The following SDCCAG8 variants were observed in gnomAD, a reference collection of about 807,000 sequenced individuals.
SDCCAG8 encodes the protein serologically defined colon cancer antigen 8.
Under a neutral mutation model 101.8 loss-of-function variants are expected in SDCCAG8, and 74 were observed. The ratio of observed to expected loss-of-function variants is 0.73; its 90% CI spans 0.60 to 0.88. SDCCAG8 has a LOEUF of 0.88. SDCCAG8 is among the 40% of genes least tolerant of loss of function. The pLI is 0.00. For synonymous variants in SDCCAG8, 281 were observed against 292.9 expected (o/e 0.96, Z 0.41); for missense variants, 787 against 822.6 (o/e 0.96, Z 0.53).
chr1:243,488,915 G>C (rs1665689970), intron 16 of SDCCAG8, 99 bp from the exon 17 acceptor site: 7 of 1,577,736 alleles, frequency 4.4e-6, no homozygotes, highest in African/African-American at 1.3e-5. Context: ...TCCTGCTCAT[G>C]GTTCCCTATC....
intron 9 of SDCCAG8, among the ~76,000 whole-genome samples, chr1:243,327,966 G>T (rs181357219): frequency 6.6e-6 from 1 of 151,832 alleles, no homozygotes; most frequent in Admixed American, 6.6e-5. Flanking sequence ...GCAGTGGTGC[G>T]ATCTCAGCTC....
chr1:243,477,098 AATAAAGGG>A (rs1662596728), intron 16 of SDCCAG8, among the ~76,000 whole-genome samples: 1 of 152,128 alleles, frequency 6.6e-6, no homozygotes, highest in Non-Finnish European at 1.5e-5. Flanking sequence ...GGTGAATTTG[AATAAAGGG>A]TATGTTGGTA....
chr1:243,328,299 G>A (rs1243854456), intron 9 of SDCCAG8, among the ~76,000 whole-genome samples: 2 of 151,684 alleles, frequency 1.3e-5, no homozygotes, highest in African/African-American at 4.8e-5. Context: ...GTTTTTTGGG[G>A]ACGGAGTCAC....
At chr1:243,489,447 G>A (rs1665842950) in intron 17 of SDCCAG8, among the ~76,000 whole-genome samples, 1 of 152,252 alleles carries the variant, frequency 6.6e-6, no homozygotes, top group Non-Finnish European at 1.5e-5. Context: ...AGAAGCGGGA[G>A]GACGGCCGTG....
At chr1:243,445,613 C>G (rs1454794661) in intron 16 of SDCCAG8, among the ~76,000 whole-genome samples, 1 of 152,172 alleles carries the variant, frequency 6.6e-6, no homozygotes, top group Non-Finnish European at 1.5e-5. Context: ...GTAAGGATCA[C>G]CTGATTTGGC....
chr1:243,284,117 C>T (rs2069350452), intron 4 of SDCCAG8, among the ~76,000 whole-genome samples: 1 of 152,126 alleles, frequency 6.6e-6, no homozygotes, highest in Non-Finnish European at 1.5e-5. Context: ...GTTTCTGATG[C>T]TTGTTAAATC....
At chr1:243,429,154 G>C (rs1022989107) in intron 16 of SDCCAG8, among the ~76,000 whole-genome samples, 3 of 152,182 alleles carry the variant, frequency 2.0e-5, no homozygotes, top group Non-Finnish European at 4.4e-5. Context: ...TGCAGCTGCA[G>C]CCGCCTGTCA....
chr1:243,488,969 G>A (rs771259898), intron 16 of SDCCAG8, 45 bp from the exon 17 acceptor site: 24 of 1,612,716 alleles, frequency 1.5e-5, no homozygotes, highest in Non-Finnish European at 2.0e-5. Flanking sequence ...CCTGTTGAAA[G>A]GCTGACGTTA....
intron 13 of SDCCAG8, among the ~76,000 whole-genome samples, chr1:243,392,878 T>G (rs1482179067): frequency 3.3e-5 from 5 of 152,242 alleles, no homozygotes; most frequent in Non-Finnish European, 7.3e-5. Flanking sequence ...GCAAATAAAC[T>G]GTTAACGGAG....
In SDCCAG8 at chr1:243,497,549, G is replaced by A. The variant is rs1668322761; in HGVS notation, c.2113-2207G>A. On this transcript the variant is annotated intron_variant, in intron 17 of 17. Coordinates refer to ENST00000366541, the MANE Select transcript of SDCCAG8 (RefSeq NM_006642.5). ...CCCATGCAGGCCCACGGAATCAGGAGGTCACCCGTTTCTGGAACAGCTCCG... is the reference window on the plus strand; with the variant it reads ...CCCATGCAGGCCCACGGAATCAGGAAGTCACCCGTTTCTGGAACAGCTCCG... Among the ~76,000 whole-genome samples the A allele has an allele frequency of 7.2e-5, 11 of 152,072 alleles. 1 individual carries two copies. The highest frequency in any genetic ancestry group is 7.2e-4 in the Admixed American group (11 of 15,266).
intron 17 of SDCCAG8, among the ~76,000 whole-genome samples, chr1:243,495,664 C>T (rs1667656179): frequency 6.6e-6 from 1 of 152,180 alleles, no homozygotes; most frequent in Non-Finnish European, 1.5e-5. Context: ...GCTGACTGCC[C>T]CTCGGCTCTG....
chr1:243,300,134 ATTACAGGCG>A (rs1472914701), intron 6 of SDCCAG8, among the ~76,000 whole-genome samples: 21 of 152,188 alleles, frequency 1.4e-4, no homozygotes, highest in East Asian at 7.7e-4. Flanking sequence ...AAGTGCTGGG[ATTACAGGCG>A]TGAGCCACTG....
At chr1:243,267,765 C>T (rs928165679) in intron 1 of SDCCAG8, 2 of 803,418 alleles carry the variant, frequency 2.5e-6, no homozygotes, top group Non-Finnish European at 4.6e-6. Context: ...CTTAGAGCCA[C>T]TCAATACTTC....
At chr1:243,401,432 T>G (rs1420372484) in intron 13 of SDCCAG8, among the ~76,000 whole-genome samples, 1 of 152,238 alleles carries the variant, frequency 6.6e-6, no homozygotes, top group Non-Finnish European at 1.5e-5. Context: ...ACTTTGAAAC[T>G]AGTCGTTTCT....
At chr1:243,288,202 C>T (rs566219590) in intron 5 of SDCCAG8, among the ~76,000 whole-genome samples, 11 of 152,138 alleles carry the variant, frequency 7.2e-5, no homozygotes, top group Admixed American at 2.0e-4. Flanking sequence ...CAGTGTCTTA[C>T]GCATGTAATT....
chr1:243,460,433 C>T (rs1437203668), intron 16 of SDCCAG8, among the ~76,000 whole-genome samples: 1 of 152,198 alleles, frequency 6.6e-6, no homozygotes, highest in Admixed American at 6.5e-5. Context: ...CAGTCACTCA[C>T]AGTCCACCCA....
At chr1:243,366,046 C>A (rs953001378) in intron 12 of SDCCAG8, among the ~76,000 whole-genome samples, 1 of 151,850 alleles carries the variant, frequency 6.6e-6, no homozygotes, top group Non-Finnish European at 1.5e-5. Context: ...GTATTTTTAA[C>A]CTCATGATGA....
intron 9 of SDCCAG8, among the ~76,000 whole-genome samples, chr1:243,318,762 A>T (rs1015930774): frequency 2.0e-5 from 3 of 152,170 alleles, no homozygotes; most frequent in Non-Finnish European, 2.9e-5. Flanking sequence ...CCCTTGTGTC[A>T]GTCAAGTCGT....
At chr1:243,390,263 A>G (rs933967454) in intron 13 of SDCCAG8, among the ~76,000 whole-genome samples, 5 of 152,174 alleles carry the variant, frequency 3.3e-5, no homozygotes, top group Non-Finnish European at 7.3e-5. Context: ...AGAATGTGTC[A>G]AAAATAATTT....
Sources: gnomAD v4.1 joint callset for allele counts (sites outside exome capture counted in the v4.1 genomes callset) on GRCh38, gnomAD v4.1.1 for gene constraint, MANE v1.5 for transcripts, NCBI Gene and HGNC (gene_info 2026-07-23, HGNC 2026-07-21) for gene names.